ACSBG1: variants seen among roughly 807,000 people sequenced by gnomAD.
The protein encoded by ACSBG1 is acyl-CoA synthetase bubblegum family member 1.
In ACSBG1, 39 loss-of-function variants were observed where a neutral mutation model predicts 80.2. The ratio of observed to expected loss-of-function variants is 0.49; its 90% confidence interval spans 0.38 to 0.64. The LOEUF (loss-of-function observed/expected upper bound fraction) is 0.64. ACSBG1 is among the 30% of genes least tolerant of loss of function. The probability of loss-of-function intolerance (pLI) is 0.00; values close to 1 mark genes in which losing one functional copy is unlikely to be tolerated. For synonymous variants in ACSBG1, 392 were observed against 379.5 expected (o/e 1.03, Z -0.38); for missense variants, 828 against 966.4 (o/e 0.86, Z 1.90).
chr15:78,217,519 C>G (rs1025037381), intron 1 of ACSBG1, among the ~76,000 whole-genome samples: 1 of 152,002 alleles, frequency 6.6e-6, no homozygotes, highest in African/African-American at 2.4e-5. Context: ...CTTCAGGGTC[C>G]TCTAAACCCC....
At chr15:78,180,317 C>G (rs2074929357) in intron 9 of ACSBG1, among the ~76,000 whole-genome samples, 1 of 152,128 alleles carries the variant, frequency 6.6e-6, no homozygotes, top group African/African-American at 2.4e-5. Context: ...CGTCACTGAC[C>G]CTCCATAGAA....
In ACSBG1 at chr15:78,194,737, G is replaced by C; in HGVS notation, c.233-11C>G. ...TCCACAGCGCCTCCTCTGTGGGGTG[G>C]GGGAGACCACAGCTTGGATCATGCC... On this transcript the variant is annotated splice_polypyrimidine_tract_variant and intron_variant, in intron 2 of 13. Coordinates refer to ENST00000258873, the MANE Select transcript of ACSBG1 (RefSeq NM_015162.5). 1 of 1,609,852 alleles carries C rather than the reference G, an allele frequency of 6.2e-7. No individual in the cohort carries two copies. The highest frequency in any genetic ancestry group is 1.3e-5 in the African/African-American group (1 of 74,994).
chr15:78,193,362 T>G (rs1405310591), intron 5 of ACSBG1, 144 bp downstream of exon 5: 5 of 1,228,496 alleles, frequency 4.1e-6, no homozygotes, highest in Non-Finnish European at 4.4e-6. Context: ...TTGCCCTGCC[T>G]TGCTTGCTGT....
rs111695300 is a variant in ACSBG1 at position 78,192,075 on chromosome 15, G to A, written c.663+1431C>T. Among the ~76,000 whole-genome samples the A allele has an allele frequency of 2.1e-3, 324 of 152,270 alleles. 1 individual carries two copies. The highest frequency in any genetic ancestry group is 6.6e-3 in the African/African-American group (273 of 41,552). On this transcript the variant is annotated intron_variant, in intron 5 of 13. Transcript: ENST00000258873. ...ACACAGACAGACACAGAAGGACGAC[G>A]ACGTGAAGACACTGTGAGAACGCCA... is the stretch of plus-strand genomic sequence containing the variant.
chr15:78,168,501 TAATAAA>T lies in ACSBG1; in HGVS notation c.*2937_*2942del, dbSNP rs1161941462. Reference sequence around the variant, plus strand: ...GAGACTCCATCTAAAAAAAAAATAATAATAAAAACAAAAATAGATCAAAATATGTCT... The same window carrying T: ...GAGACTCCATCTAAAAAAAAAATAATAACAAAAATAGATCAAAATATGTCT... On this transcript the variant is annotated 3_prime_UTR_variant, in exon 14 of 14. Coordinates refer to ENST00000258873, the MANE Select transcript of ACSBG1 (RefSeq NM_015162.5). The T allele has an allele frequency of 6.6e-6, 1 of 152,102 alleles. No homozygotes were observed. Among genetic ancestry groups the T allele is most frequent in the African/African-American group, 2.4e-5 (1 of 41,340 alleles). The allele number at this position is 152,102 out of a possible 1,614,324, so 9.4% of individuals were successfully genotyped here. A position where few individuals can be genotyped will look rare whatever the true frequency, so the allele number is the denominator to read the frequency against.
intron 1 of ACSBG1, among the ~76,000 whole-genome samples, chr15:78,210,884 G>A (rs1031359927): frequency 1.3e-5 from 2 of 152,186 alleles, no homozygotes; most frequent in Non-Finnish European, 2.9e-5. Context: ...AAAGTACTGG[G>A]ATTATAGGCG....
Position 78,181,788 on chromosome 15 carries a change from C to T in ACSBG1, c.1071+181G>A, listed in dbSNP as rs140185271. Among the ~76,000 whole-genome samples the T allele has an allele frequency of 1.9e-4, 29 of 152,298 alleles. No homozygotes were observed. In the East Asian group the frequency reaches 4.6e-3, roughly 24 times the overall value. On this transcript the variant is annotated intron_variant, in intron 8 of 13. Transcript: ENST00000258873. ...GATTACAGGCGTGAGCCACCGTGCC[C>T]GGCCTAGTTTCCCTTCTTGTTTGGT...
intron 1 of ACSBG1, among the ~76,000 whole-genome samples, chr15:78,230,841 C>T (rs974651394): frequency 4.6e-5 from 7 of 152,194 alleles, no homozygotes; most frequent in South Asian, 2.1e-4. Flanking sequence ...TAAACTTCCC[C>T]GTCTCAGGTA....
intron 1 of ACSBG1, among the ~76,000 whole-genome samples, chr15:78,230,553 T>C (rs1390293924): frequency 6.6e-6 from 1 of 152,206 alleles, no homozygotes; most frequent in Non-Finnish European, 1.5e-5. Context: ...CCTTCTGATA[T>C]GGTCTGGCTG....
chr15:78,194,631 A>G lies in ACSBG1; in HGVS notation c.328T>C (p.Tyr110His). The change falls in exon 3 of 14, where the codon TAC becomes CAC. Residue 110 changes from tyrosine (Y) to histidine (H), a missense_variant. By Grantham distance (83) the Tyr-to-His change is moderately conservative. Transcript: ENST00000258873. ...TCCCCATACTTATCCAGGGCCTCGT[A>G]GAACATCCGATGCACAGTGTAGGGA... ...QLPYTVHRMF[Y>H]EALDKYGDLI... 6.2e-7 allele frequency: 1 copy of G among 1,614,278 alleles called. No individual in the cohort carries two copies. The highest frequency in any genetic ancestry group is 1.1e-5 in the South Asian group (1 of 91,092).
chr15:78,230,652 C>T (rs898733852), intron 1 of ACSBG1, among the ~76,000 whole-genome samples: 5 of 152,166 alleles, frequency 3.3e-5, no homozygotes, highest in African/African-American at 1.2e-4. Context: ...AGGTCCTTCC[C>T]GTGCTGTTCT....
At chr15:78,217,738 T>C (rs1394055636) in intron 1 of ACSBG1, among the ~76,000 whole-genome samples, 1 of 151,926 alleles carries the variant, frequency 6.6e-6, no homozygotes, top group African/African-American at 2.4e-5. Context: ...GGCTAATTTT[T>C]GTATTTTTAG....
chr15:78,174,549 G>A (rs367742037), intron 11 of ACSBG1, 25 bp from the exon 12 acceptor site: 229 of 1,606,740 alleles, frequency 1.4e-4, no homozygotes, highest in Non-Finnish European at 1.9e-4. Context: ...CCAGGCCCCC[G>A]GCACAGAATG....
At position 78,178,403 on chromosome 15, in the gene ACSBG1, A is replaced by T. The variant is rs546980832; in HGVS notation, c.1702+211T>A. Among the ~76,000 whole-genome samples, 1 of 152,132 alleles carries T rather than the reference A, an allele frequency of 6.6e-6. No individual in the cohort carries two copies. The highest frequency in any genetic ancestry group is 1.5e-5 in the Non-Finnish European group (1 of 68,032). Reference sequence around the variant, plus strand: ...AACCTCTGCCTCCCGGGTTCAAGTAATTCTCGTGCCTCAGCCTCCCGAATA... The same window carrying T: ...AACCTCTGCCTCCCGGGTTCAAGTATTTCTCGTGCCTCAGCCTCCCGAATA... On this transcript the variant is annotated intron_variant, in intron 11 of 13. Coordinates refer to ENST00000258873, the MANE Select transcript of ACSBG1 (RefSeq NM_015162.5). The surrounding 1 kb of genome is among the most constrained non-coding windows in gnomAD (Gnocchi z 4.3).
Position 78,178,855 on chromosome 15 carries a change from C to G in ACSBG1, c.1485-24G>C. On this transcript the variant is annotated intron_variant, in intron 10 of 13. Transcript: ENST00000258873. This position sits in a 1 kb window ranked among gnomAD's most constrained non-coding sequence, Gnocchi z 4.3. The stretch of plus-strand genomic sequence containing the variant: ...AGCTGGCGAGGGAGGGGCCGGGAGA[C>G]TGGTCAGAGGGAGCCGTCTCCTCCA... 1 of 1,585,526 alleles carries G rather than the reference C, an allele frequency of 6.3e-7. No individual in the cohort carries two copies. Among genetic ancestry groups the G allele is most frequent in the Non-Finnish European group, 8.6e-7 (1 of 1,169,576 alleles).
intron 2 of ACSBG1, among the ~76,000 whole-genome samples, chr15:78,195,249 T>C (rs1356231700): frequency 1.3e-5 from 2 of 152,154 alleles, no homozygotes; most frequent in Non-Finnish European, 2.9e-5. Flanking sequence ...AACAACAGTC[T>C]TTGCTCATTC....
At position 78,227,200 on chromosome 15, in the gene ACSBG1, C is replaced by T. The variant is rs540813878; in HGVS notation, c.131+7171G>A. Among the ~76,000 whole-genome samples, 83 of 109,278 alleles carry T rather than the reference C, an allele frequency of 7.6e-4. 2 individuals are homozygous for T. The highest frequency in any genetic ancestry group is 2.8e-3 in the African/African-American group (76 of 26,886). The allele number at this position is 109,278 out of a possible 152,430, so 71.7% of individuals were successfully genotyped here. On this transcript the variant is annotated intron_variant, in intron 1 of 13. Transcript: ENST00000258873. ...TGCCATTGCACTCCAGCCTGGGTGA[C>T]AGAGCGAGACCCTGTCTCAAAAAAA...
intron 1 of ACSBG1, among the ~76,000 whole-genome samples, chr15:78,216,089 T>A (rs1567096635): frequency 6.6e-6 from 1 of 152,200 alleles, no homozygotes; most frequent in Non-Finnish European, 1.5e-5. Context: ...TAATGGACTG[T>A]CATGAAATAA....
chr15:78,185,064 AG>A (rs1281839999), intron 5 of ACSBG1, among the ~76,000 whole-genome samples: 47 of 150,306 alleles, frequency 3.1e-4, no homozygotes, highest in Middle Eastern at 3.4e-3. Context: ...AGAGAGAGAG[AG>A]AGAGAGAGAG....
Sources: gnomAD v4.1 joint callset for allele counts (sites outside exome capture counted in the v4.1 genomes callset) on GRCh38, gnomAD v4.1.1 for gene constraint, Gnocchi (gnomAD v3.1) non-coding constraint, MANE v1.5 for transcripts, NCBI Gene and HGNC (gene_info 2026-07-23, HGNC 2026-07-21) for gene names.